The following HGFAC variants were observed in gnomAD, a reference collection of about 807,000 sequenced individuals.
The protein encoded by HGFAC is hepatocyte growth factor activator serine protease.
In HGFAC, 76 loss-of-function variants were observed where a neutral mutation model predicts 70.6. That is an observed-to-expected ratio of 1.08 (90% CI 0.89 to 1.30). The LOEUF (loss-of-function observed/expected upper bound fraction) is 1.30. Ranked by LOEUF, HGFAC falls within the 50% of genes most tolerant of loss-of-function variation. HGFAC has a pLI of 0.00. For synonymous variants in HGFAC, 464 were observed against 405.3 expected, an observed-to-expected ratio of 1.14 and a Z score of -1.74; for missense variants, 1,044 against 933.7, an observed-to-expected ratio of 1.12 and a Z score of -1.54.
Position 3,449,305 on chromosome 4 carries a change from G to C in HGFAC, c.1854G>C (p.Trp618Cys), listed in dbSNP as rs1347060476. Residue 618 changes from tryptophan to cysteine, a missense_variant, in exon 14 of 14, where the codon TGG becomes TGC. By Grantham distance (215) the Trp-to-Cys change is radical. Coordinates refer to ENST00000382774, the MANE Select transcript of HGFAC (RefSeq NM_001528.4). ...CTTACCTCTACGGCATCATCAGCTG[G>C]GGTGACGGCTGCGGGCGGCTCCACA... ...GVAYLYGIIS[W>C]GDGCGRLHKP... 1.2e-6 allele frequency: 2 copies of C among 1,612,446 alleles called. No homozygotes were observed. Among genetic ancestry groups the C allele is most frequent in the South Asian group, 1.1e-5 (1 of 91,064 alleles).
intron 1 of HGFAC, among the ~76,000 whole-genome samples, 170 bp downstream of exon 1, chr4:3,442,288 G>A (rs1301000222): frequency 6.6e-6 from 1 of 152,200 alleles, no homozygotes; most frequent in Non-Finnish European, 1.5e-5. Flanking sequence ...GTGGGTGCTG[G>A]ACTGGCCTTG....
At position 3,445,368 on chromosome 4, in the gene HGFAC, G is replaced by A. The variant is rs773999111; in HGVS notation, c.1102+18G>A. ...GGCCTGCGGTGCGCGGCTGGCGGGG[G>A]GTGCTGCCTTGGGCCCCACCGAGGT... On this transcript the variant is annotated intron_variant, in intron 9 of 13. Transcript: ENST00000382774. 16 of 1,543,902 alleles carry A rather than the reference G, an allele frequency of 1.0e-5. No homozygotes were observed. Among genetic ancestry groups the A allele is most frequent in the Non-Finnish European group, 1.3e-5 (15 of 1,139,522 alleles).
Position 3,442,095 on chromosome 4 carries a change from G to T in HGFAC, c.94G>T (p.Gly32Trp). Residue 32 changes from glycine (G) to tryptophan (W), a missense_variant, in exon 1 of 14, where the codon GGG (glycine) becomes TGG (tryptophan). Gly to Trp is a radical substitution (Grantham distance 184, BLOSUM62 -2). Coordinates refer to ENST00000382774, the MANE Select transcript of HGFAC (RefSeq NM_001528.4). ...LLLLLLLLPR[G>W]FQPQPGGNRT... Reference sequence around the variant, plus strand: ...CCTGCTGCTGCTGCTGCTGCCACGGGGGTTCCAGCCCCAGCCTGGCGGGGT... The same window carrying T: ...CCTGCTGCTGCTGCTGCTGCCACGGTGGTTCCAGCCCCAGCCTGGCGGGGT... 1 of 1,560,052 alleles carries T rather than the reference G, an allele frequency of 6.4e-7. No individual in the cohort carries two copies. Among genetic ancestry groups the T allele is most frequent in the Non-Finnish European group, 8.6e-7 (1 of 1,164,602 alleles).
intron 10 of HGFAC, among the ~76,000 whole-genome samples, chr4:3,446,761 G>A (rs1047959593): frequency 2.0e-5 from 3 of 152,182 alleles, no homozygotes; most frequent in Admixed American, 2.0e-4. Flanking sequence ...ACTCTGGGAG[G>A]CGGGCCTCGA....
chr4:3,443,481 C>A, intron 4 of HGFAC, 61 bp downstream of exon 4: 3 of 1,075,428 alleles, frequency 2.8e-6, no homozygotes, highest in Non-Finnish European at 2.5e-6. Flanking sequence ...CCAGAAGGGC[C>A]AAGGGGAGGA....
intron 10 of HGFAC, 21 bp from the exon 11 acceptor site, chr4:3,447,471 C>T (rs1213369373): frequency 6.2e-7 from 1 of 1,611,200 alleles, no homozygotes; most frequent in Admixed American, 1.7e-5. Flanking sequence ...GTCCATGCAG[C>T]CTCCAGCCCC....
intron 11 of HGFAC, 106 bp downstream of exon 11, chr4:3,447,737 A>T: frequency 6.5e-7 from 1 of 1,549,154 alleles, no homozygotes; most frequent in Non-Finnish European, 8.8e-7. Flanking sequence ...GTGCGGGGGA[A>T]GCTGGGGGCA....
chr4:3,444,471 T>G, intron 6 of HGFAC, 29 bp downstream of exon 6: 1 of 1,562,492 alleles, frequency 6.4e-7, no homozygotes, highest in Non-Finnish European at 8.6e-7. Context: ...GCCGTGCCAC[T>G]GACCCCTGAC....
At chr4:3,448,856 G>A (rs75314803) in intron 13 of HGFAC, among the ~76,000 whole-genome samples, 3 of 152,182 alleles carry the variant, frequency 2.0e-5, no homozygotes, top group East Asian at 3.9e-4. Flanking sequence ...ACTGGACCTC[G>A]ATAAGGGAAG....
In HGFAC at chr4:3,449,314, C is replaced by T; in HGVS notation, c.1863C>T (p.Gly621=). ...ACGGCATCATCAGCTGGGGTGACGGCTGCGGGCGGCTCCACAAGCCGGGGG... is the reference window on the plus strand; with the variant it reads ...ACGGCATCATCAGCTGGGGTGACGGTTGCGGGCGGCTCCACAAGCCGGGGG... ...YLYGIISWGD[G]CGRLHKPGVY... Residue 621 remains glycine, a synonymous_variant, in exon 14 of 14, where the codon GGC becomes GGT. Coordinates refer to ENST00000382774, the MANE Select transcript of HGFAC (RefSeq NM_001528.4). The T allele has an allele frequency of 1.2e-6, 2 of 1,612,294 alleles. No individual in the cohort carries two copies. Among genetic ancestry groups the T allele is most frequent in the Non-Finnish European group, 1.7e-6 (2 of 1,179,604 alleles).
chr4:3,443,309 G>A, intron 3 of HGFAC, 32 bp from the exon 4 acceptor site: 1 of 1,529,420 alleles, frequency 6.5e-7, no homozygotes, highest in Non-Finnish European at 8.8e-7. Flanking sequence ...CCTCTGCCTG[G>A]GACCCCCATG....
rs1440982718 is a variant in HGFAC, at chr4:3,446,282, G to C, written c.1343G>C (p.Cys448Ser). The C allele has an allele frequency of 6.2e-7, 1 of 1,606,822 alleles. No individual in the cohort carries two copies. The highest frequency in any genetic ancestry group is 1.7e-5 in the Admixed American group (1 of 59,832). ...HTCWVVSAAH[C>S]FSHSPPRDSV... ...TGCTGGGTGGTGTCGGCCGCCCACTGCTTCTCCCACAGGTGCACCTCCTCT... is the reference window on the plus strand; with the variant it reads ...TGCTGGGTGGTGTCGGCCGCCCACTCCTTCTCCCACAGGTGCACCTCCTCT... The change falls in exon 10 of 14, where the codon TGC becomes TCC. Residue 448 changes from cysteine (C) to serine (S), a missense_variant. By Grantham distance (112) the Cys-to-Ser change is moderately radical. Coordinates refer to ENST00000382774, the MANE Select transcript of HGFAC (RefSeq NM_001528.4).
intron 9 of HGFAC, 21 bp downstream of exon 9, chr4:3,445,371 G>A (rs1324663120): frequency 1.3e-6 from 2 of 1,520,490 alleles, no homozygotes; most frequent in Admixed American, 1.9e-5. Flanking sequence ...GGCGGGGGGT[G>A]CTGCCTTGGG....
At chr4:3,446,340 A>C in intron 10 of HGFAC, 46 bp downstream of exon 10, 1 of 1,577,194 alleles carries the variant, frequency 6.3e-7, no homozygotes, top group East Asian at 2.3e-5. Context: ...GGCCCCACAC[A>C]CCATCCAGCG....
chr4:3,441,341 G>A (rs1725304526), upstream of HGFAC, among the ~76,000 whole-genome samples: 1 of 152,134 alleles, frequency 6.6e-6, no homozygotes, highest in Admixed American at 6.5e-5. This position sits in a 1 kb window ranked among gnomAD's most constrained non-coding sequence, Gnocchi z 6.0. Flanking sequence ...GGCTGCTGGG[G>A]GGCCCTGGCC....
rs149409175 is a variant in HGFAC, at chr4:3,449,346, C to T, written c.1895C>T (p.Thr632Ile). 6.8e-6 allele frequency: 11 copies of T among 1,611,156 alleles called. No homozygotes were observed. Among genetic ancestry groups the T allele is most frequent in the Non-Finnish European group, 9.3e-6 (11 of 1,179,018 alleles). The change falls in exon 14 of 14, where the codon ACC (threonine) becomes ATC (isoleucine). Residue 632 changes from threonine to isoleucine, a missense_variant. Transcript: ENST00000382774. Reference protein sequence around the residue: ...CGRLHKPGVYTRVANYVDWIN... With the variant: ...CGRLHKPGVYIRVANYVDWIN... ...CGGCTCCACAAGCCGGGGGTCTACA[C>T]CCGCGTGGCCAACTATGTGGACTGG...
chr4:3,445,930 A>T, intron 9 of HGFAC, 112 bp from the exon 10 acceptor site: 1 of 1,555,324 alleles, frequency 6.4e-7, no homozygotes, highest in Non-Finnish European at 8.7e-7. Context: ...CAGCGTGGAC[A>T]GGGGGTCCGG....
In HGFAC at chr4:3,446,275, G is replaced by A. The variant is rs748135083; in HGVS notation, c.1336G>A (p.Ala446Thr). 134 of 1,606,968 alleles carry A rather than the reference G, an allele frequency of 8.3e-5. No individual in the cohort carries two copies. Among genetic ancestry groups the A allele is most frequent in the East Asian group, 3.4e-4 (15 of 44,732 alleles). ...LVHTCWVVSAAHCFSHSPPRD... is the reference protein window; with the variant it reads ...LVHTCWVVSATHCFSHSPPRD... ...CCACACCTGCTGGGTGGTGTCGGCC[G>A]CCCACTGCTTCTCCCACAGGTGCAC... Residue 446 changes from alanine to threonine, a missense_variant, in exon 10 of 14, where the codon GCC becomes ACC. By Grantham distance (58) the Ala-to-Thr change is moderately conservative. Transcript: ENST00000382774.
At position 3,447,636 on chromosome 4, in the gene HGFAC, G is replaced by A. The variant is rs1367408236; in HGVS notation, c.1495+5G>A. 1.2e-6 allele frequency: 2 copies of A among 1,612,300 alleles called. No homozygotes were observed. Among genetic ancestry groups the A allele is most frequent in the African/African-American group, 2.7e-5 (2 of 74,940 alleles). ...ACCCCAGCGACCACGACCTCGGTGAGCTCCGGCGTGTCGTGGCTGCACTCT... is the reference window on the plus strand; with the variant it reads ...ACCCCAGCGACCACGACCTCGGTGAACTCCGGCGTGTCGTGGCTGCACTCT... On this transcript the variant is annotated splice_donor_5th_base_variant and intron_variant, in intron 11 of 13. Transcript: ENST00000382774.
Sources: allele counts gnomAD v4.1 joint callset (sites outside exome capture counted in the v4.1 genomes callset), GRCh38; gene constraint gnomAD v4.1.1; non-coding constraint Gnocchi (gnomAD v3.1); transcripts MANE v1.5; gene names NCBI Gene and HGNC (gene_info 2026-07-23, HGNC 2026-07-21).